Variants in KIF5C observed in about 807,000 individuals in gnomAD.
KIF5C encodes kinesin heavy chain isoform 5C.
In KIF5C, 18 loss-of-function variants were observed where a neutral mutation model predicts 125.2. That is an observed-to-expected ratio of 0.14 (90% CI 0.10 to 0.21). The LOEUF (loss-of-function observed/expected upper bound fraction) is 0.21. Ranked by LOEUF, KIF5C falls within the 10% of genes least tolerant of loss-of-function variation. The probability of loss-of-function intolerance (pLI) is 1.00; values close to 1 mark genes in which losing one functional copy is unlikely to be tolerated. For missense variants in KIF5C, 780 were observed against 1,183.8 expected, an observed-to-expected ratio of 0.66 and a Z score of 5.01; for synonymous variants, 405 against 434.0, an observed-to-expected ratio of 0.93 and a Z score of 0.83.
chr2:148,900,006 A>T (rs1054206962), intron 1 of KIF5C, among the ~76,000 whole-genome samples: 1 of 152,220 alleles, frequency 6.6e-6, no homozygotes, highest in South Asian at 2.1e-4. Context: ...TGCAGAGACA[A>T]TTAAGGTTGG....
In KIF5C at chr2:148,942,292, A is replaced by G. The variant is rs149625146; in HGVS notation, c.501+302A>G. On this transcript the variant is annotated intron_variant, in intron 6 of 25. Coordinates refer to ENST00000435030, the MANE Select transcript of KIF5C (RefSeq NM_004522.3). ...TTATCTGTGGAACATCAAAGTAGCTAATATTGGTGGCCATGATCATAAATA... is the reference window on the plus strand; with the variant it reads ...TTATCTGTGGAACATCAAAGTAGCTGATATTGGTGGCCATGATCATAAATA... 3.2e-4 allele frequency among the ~76,000 whole-genome samples: 49 copies of G among 152,310 alleles called. 1 individual carries two copies. Among genetic ancestry groups the G allele is most frequent in the South Asian group, 1.7e-3 (8 of 4,826 alleles).
At chr2:148,958,921 T>C (rs543762172) in intron 10 of KIF5C, among the ~76,000 whole-genome samples, 225 of 152,026 alleles carry the variant, frequency 1.5e-3, no homozygotes, top group African/African-American at 5.3e-3. Context: ...GAGGCAGAGG[T>C]TGCAGTGAGC....
intron 25 of KIF5C, 31 bp from the exon 26 acceptor site, chr2:149,023,047 C>T (rs968702379): frequency 6.6e-6 from 1 of 152,146 alleles, no homozygotes; most frequent in Non-Finnish European, 1.5e-5. Flanking sequence ...TTTCTAATTC[C>T]TATGTTCTCT....
chr2:148,951,073 A>G (rs1216181156), intron 10 of KIF5C, among the ~76,000 whole-genome samples: 3 of 152,226 alleles, frequency 2.0e-5, no homozygotes, highest in African/African-American at 4.8e-5. Flanking sequence ...TTTGTTCTTC[A>G]TGGCACTGGA....
At chr2:148,970,599 T>G in intron 11 of KIF5C, among the ~76,000 whole-genome samples, 1 of 152,202 alleles carries the variant, frequency 6.6e-6, no homozygotes, top group East Asian at 1.9e-4. Flanking sequence ...TCACAGTGCC[T>G]TACAGCAGCA....
At chr2:149,013,418 A>G (rs1682270120) in intron 25 of KIF5C, among the ~76,000 whole-genome samples, 1 of 152,186 alleles carries the variant, frequency 6.6e-6, no homozygotes, top group South Asian at 2.1e-4. Context: ...TGCAATGCTG[A>G]TGCCTCCCTT....
intron 1 of KIF5C, 129 bp downstream of exon 1, chr2:148,875,872 AC>A: frequency 8.0e-7 from 1 of 1,256,038 alleles, no homozygotes; most frequent in Non-Finnish European, 1.1e-6. Context: ...TCTCGGGTGG[AC>A]CTGACCAGAG....
At chr2:148,999,789 G>C (rs531473237) in intron 19 of KIF5C, 39 of 152,456 alleles carry the variant, frequency 2.6e-4, no homozygotes, top group African/African-American at 8.7e-4. Context: ...TTCTGGTAGT[G>C]CATAGCTGTT....
chr2:148,937,398 A>T lies in KIF5C; in HGVS notation c.396+10A>T, dbSNP rs773544630. 4 of 1,573,382 alleles carry T rather than the reference A, an allele frequency of 2.5e-6. No homozygotes were observed. In the Admixed American group the frequency reaches 7.4e-5, roughly 29 times the overall value. On this transcript the variant is annotated intron_variant, in intron 4 of 25. Transcript: ENST00000435030. ...GGAGTTTCACATAAAGGTACGTATT[A>T]CTGATTGGTCCCCAGAGAAGACACT...
intron 15 of KIF5C, among the ~76,000 whole-genome samples, chr2:148,989,768 G>T (rs997272692): frequency 2.0e-5 from 3 of 152,032 alleles, no homozygotes; most frequent in African/African-American, 4.8e-5. Flanking sequence ...ATGTGTGTTG[G>T]CTATTTATAT....
chr2:148,877,673 C>T (rs1029245409), intron 1 of KIF5C, among the ~76,000 whole-genome samples: 1 of 152,058 alleles, frequency 6.6e-6, no homozygotes, highest in South Asian at 2.1e-4. Flanking sequence ...TTCTGGCAAC[C>T]CTATTTTTTT....
At chr2:148,985,845 C>T (rs1478604654) in intron 15 of KIF5C, among the ~76,000 whole-genome samples, 2 of 152,116 alleles carry the variant, frequency 1.3e-5, no homozygotes, top group African/African-American at 2.4e-5. Context: ...AGTACATGAC[C>T]GCTCGTAAAT....
At chr2:148,959,732 A>G (rs1292111573) in intron 10 of KIF5C, among the ~76,000 whole-genome samples, 2 of 152,156 alleles carry the variant, frequency 1.3e-5, no homozygotes, top group African/African-American at 4.8e-5. Flanking sequence ...GGCTCATGCA[A>G]TGGGCTCCTT....
intron 25 of KIF5C, among the ~76,000 whole-genome samples, chr2:149,014,266 T>G (rs1197404089): frequency 6.6e-6 from 1 of 152,104 alleles, no homozygotes; most frequent in South Asian, 2.1e-4. Context: ...TTCAAGTGAT[T>G]CCCCCCACCT....
intron 1 of KIF5C, among the ~76,000 whole-genome samples, chr2:148,910,013 A>C (rs756214094): frequency 5.9e-5 from 9 of 152,228 alleles, no homozygotes; most frequent in Non-Finnish European, 1.2e-4. Context: ...CCTGTTCAAT[A>C]AGTGGCAGCT....
intron 1 of KIF5C, among the ~76,000 whole-genome samples, chr2:148,892,873 C>T (rs1201128532): frequency 6.6e-6 from 1 of 152,226 alleles, no homozygotes; most frequent in Admixed American, 6.5e-5. Flanking sequence ...AAAAAATTTT[C>T]AGTAGATTTT....
intron 21 of KIF5C, among the ~76,000 whole-genome samples, chr2:149,002,833 A>G (rs1681896129): frequency 6.6e-6 from 1 of 152,132 alleles, no homozygotes; most frequent in Non-Finnish European, 1.5e-5. Flanking sequence ...TACACTCAGG[A>G]GTGTGATATT....
At chr2:148,910,569 A>G (rs1023309127) in intron 1 of KIF5C, among the ~76,000 whole-genome samples, 1 of 152,224 alleles carries the variant, frequency 6.6e-6, no homozygotes, top group African/African-American at 2.4e-5. Context: ...GTTTTGACAG[A>G]TAACACGGTC....
intron 25 of KIF5C, among the ~76,000 whole-genome samples, chr2:149,017,577 C>T (rs1444787213): frequency 1.3e-5 from 2 of 152,180 alleles, no homozygotes; most frequent in Non-Finnish European, 2.9e-5. Flanking sequence ...ATGTCTCCAC[C>T]AGATGGCGCC....
Sources: allele counts gnomAD v4.1 joint callset (sites outside exome capture counted in the v4.1 genomes callset), GRCh38; gene constraint gnomAD v4.1.1; transcripts MANE v1.5; gene names NCBI Gene and HGNC (gene_info 2026-07-23, HGNC 2026-07-21).